Variants in ITPK1 observed in about 807,000 individuals in gnomAD.
The protein encoded by ITPK1 is inositol 1,3,4-trisphosphate 5/6-kinase.
A neutral mutation model predicts 45.3 loss-of-function variants in ITPK1; 21 were observed. The observed-to-expected ratio is 0.46, with a 90% CI of 0.33 to 0.67. The LOEUF is 0.67. Among genes scored for constraint, ITPK1 ranks in the 30% least tolerant of loss-of-function variants. The probability of loss-of-function intolerance (pLI) is 0.02; values close to 1 mark genes in which losing one functional copy is unlikely to be tolerated. For synonymous variants in ITPK1, 258 were observed against 253.6 expected (o/e 1.02, Z -0.16); for missense variants, 474 against 573.5 (o/e 0.83, Z 1.77).
rs1238811783 is a variant in ITPK1, at chr14:93,115,324, C to G, written c.-142-19G>C. 4 of 300,436 alleles carry G rather than the reference C, an allele frequency of 1.3e-5. No homozygotes were observed. The highest frequency in any genetic ancestry group is 2.4e-5 in the Non-Finnish European group (4 of 165,730). The allele number at this position is 300,436 out of a possible 1,614,324, so 18.6% of individuals were successfully genotyped here. A position where few individuals can be genotyped will look rare whatever the true frequency, so the allele number is the denominator to read the frequency against. ...CGCAGTCCTGCCGCGCGGAGCGGAG[C>G]GGGGCGGGGCGCGGCGGGCGGCCGG... On this transcript the variant is annotated intron_variant, in intron 1 of 10. Transcript: ENST00000267615.
At chr14:92,948,493 T>C (rs1250669967) in intron 9 of ITPK1, among the ~76,000 whole-genome samples, 3 of 151,474 alleles carry the variant, frequency 2.0e-5, no homozygotes, top group South Asian at 2.1e-4. Flanking sequence ...TGTGCCACCA[T>C]GCCTGGCTAA....
At position 92,964,622 on chromosome 14, in the gene ITPK1, T is replaced by C. The variant is rs939927036; in HGVS notation, c.365-1773A>G. Among the ~76,000 whole-genome samples, 5 of 152,220 alleles carry C rather than the reference T, an allele frequency of 3.3e-5. No homozygotes were observed. The East Asian group carries it at 7.7e-4, about 23-fold the overall frequency. On this transcript the variant is annotated intron_variant, in intron 5 of 10. Transcript: ENST00000267615. Reference sequence around the variant, plus strand: ...GAATTTAAACTGGAGGGTTCTGCCATAGGCAGGCTTCGGACGGGCGCTCAC... The same window carrying C: ...GAATTTAAACTGGAGGGTTCTGCCACAGGCAGGCTTCGGACGGGCGCTCAC...
chr14:93,085,368 G>A (rs1595201195), intron 2 of ITPK1, among the ~76,000 whole-genome samples: 2 of 152,140 alleles, frequency 1.3e-5, no homozygotes, highest in East Asian at 1.9e-4. Context: ...CCCCGACCGG[G>A]TGCCCCACCC....
chr14:92,959,386 C>A (rs1414138409), intron 7 of ITPK1, among the ~76,000 whole-genome samples: 34 of 152,256 alleles, frequency 2.2e-4, no homozygotes, highest in Admixed American at 2.2e-3. Flanking sequence ...CTTGTGTCAG[C>A]TGTCACGGAG....
At chr14:93,092,653 C>T (rs1256594757) in intron 2 of ITPK1, among the ~76,000 whole-genome samples, 1 of 152,250 alleles carries the variant, frequency 6.6e-6, no homozygotes, top group Non-Finnish European at 1.5e-5. Context: ...GAGAGTAGTA[C>T]TGGCATCCAG....
intron 5 of ITPK1, among the ~76,000 whole-genome samples, chr14:92,988,825 T>C (rs565485336): frequency 6.6e-6 from 1 of 152,304 alleles, no homozygotes; most frequent in Non-Finnish European, 1.5e-5. Context: ...ACCTTCCTCA[T>C]AGGGTCATTA....
intron 4 of ITPK1, among the ~76,000 whole-genome samples, chr14:92,999,179 C>T (rs1887207457): frequency 6.6e-6 from 1 of 152,234 alleles, no homozygotes; most frequent in Non-Finnish European, 1.5e-5. Flanking sequence ...TGGCAGAGGC[C>T]CAGGGGCCCG....
In ITPK1 at chr14:92,939,712, A is replaced by C. The variant is rs1416325295; in HGVS notation, c.*1849T>G. ...CCACAAACGGTACAGGAACACAGCC[A>C]GGAGTCACGCTGCACACCCCCACCC... On this transcript the variant is annotated 3_prime_UTR_variant, in exon 11 of 11. Transcript: ENST00000267615. The C allele has an allele frequency of 1.0e-6, 1 of 985,406 alleles. No homozygotes were observed. Among genetic ancestry groups the C allele is most frequent in the Admixed American group, 6.2e-5 (1 of 16,256 alleles). The allele number at this position is 985,406 out of a possible 1,614,324, so 61.0% of individuals were successfully genotyped here.
At chr14:93,081,152 T>C (rs1165110810) in intron 2 of ITPK1, among the ~76,000 whole-genome samples, 2 of 151,682 alleles carry the variant, frequency 1.3e-5, no homozygotes, top group Admixed American at 1.3e-4. Context: ...CTGGCCAACA[T>C]GGTAAAACCT....
intron 2 of ITPK1, among the ~76,000 whole-genome samples, chr14:93,082,657 C>T (rs200062663): frequency 3.3e-5 from 5 of 152,250 alleles, no homozygotes; most frequent in East Asian, 3.9e-4. Flanking sequence ...GGGGGCGGCA[C>T]GCCCACTCCA....
At chr14:92,996,546 C>A (rs981032482) in intron 4 of ITPK1, among the ~76,000 whole-genome samples, 3 of 151,126 alleles carry the variant, frequency 2.0e-5, no homozygotes, top group African/African-American at 7.3e-5. Context: ...CAAACCTGCA[C>A]GTTGTGCACA....
At chr14:93,025,109 C>T (rs552246707) in intron 3 of ITPK1, among the ~76,000 whole-genome samples, 8 of 152,306 alleles carry the variant, frequency 5.3e-5, no homozygotes, top group African/African-American at 1.9e-4. Flanking sequence ...CTGAGAGCCA[C>T]CTGGGTCAGG....
chr14:92,968,474 C>T (rs565191680), intron 5 of ITPK1, among the ~76,000 whole-genome samples: 1 of 152,310 alleles, frequency 6.6e-6, no homozygotes, highest in East Asian at 1.9e-4. Context: ...CAACCACGGT[C>T]TCCTCCAGTC....
chr14:93,049,527 TC>T (rs1248404790), intron 3 of ITPK1, among the ~76,000 whole-genome samples: 1 of 152,038 alleles, frequency 6.6e-6, no homozygotes, highest in Non-Finnish European at 1.5e-5. Context: ...GGGAAGGGCC[TC>T]ATAAACCATT....
At chr14:93,065,458 G>A (rs1381678697) in intron 3 of ITPK1, among the ~76,000 whole-genome samples, 2 of 152,180 alleles carry the variant, frequency 1.3e-5, no homozygotes, top group African/African-American at 4.8e-5. Flanking sequence ...GTTCTGTGCT[G>A]TTCCTTATCT....
In ITPK1 at chr14:93,034,896, A is replaced by G. The variant is rs1389972469; in HGVS notation, c.121-18095T>C. Among the ~76,000 whole-genome samples, 1 of 152,206 alleles carries G rather than the reference A, an allele frequency of 6.6e-6. No homozygotes were observed. Among genetic ancestry groups the G allele is most frequent in the African/African-American group, 2.4e-5 (1 of 41,458 alleles). On this transcript the variant is annotated intron_variant, in intron 3 of 10. Coordinates refer to ENST00000267615, the MANE Select transcript of ITPK1 (RefSeq NM_014216.6). The surrounding 1 kb of genome is among the most constrained non-coding windows in gnomAD (Gnocchi z 4.1). ...TCCAACCTGAGGTCCTGGCCCTCCC[A>G]TCACCTATGGGGCCTGGCAGGCCTT...
intron 3 of ITPK1, among the ~76,000 whole-genome samples, chr14:93,074,358 C>T (rs866017083): frequency 1.3e-5 from 2 of 152,206 alleles, no homozygotes; most frequent in African/African-American, 4.8e-5. Context: ...GTTCCTCCCA[C>T]AGACCGAGCG....
Position 93,076,238 on chromosome 14 carries a change from G to A in ITPK1, c.120+357C>T, listed in dbSNP as rs141428569. Reference sequence around the variant, plus strand: ...AGCACCTGAACCAAGTCCACCCAGGGTGAGGCTACACAGAGCACAAGACAA... The same window carrying A: ...AGCACCTGAACCAAGTCCACCCAGGATGAGGCTACACAGAGCACAAGACAA... On this transcript the variant is annotated intron_variant, in intron 3 of 10. Coordinates refer to ENST00000267615, the MANE Select transcript of ITPK1 (RefSeq NM_014216.6). The surrounding 1 kb of genome is among the most constrained non-coding windows in gnomAD (Gnocchi z 4.3). Among the ~76,000 whole-genome samples, 1,229 of 152,002 alleles carry A rather than the reference G, an allele frequency of 8.1e-3. 47 individuals carry two copies. The highest frequency in any genetic ancestry group is 0.074 in the Admixed American group (1,125 of 15,262).
At chr14:93,030,963 G>A (rs1406696950) in intron 3 of ITPK1, among the ~76,000 whole-genome samples, 2 of 152,196 alleles carry the variant, frequency 1.3e-5, no homozygotes, top group Admixed American at 6.5e-5. Context: ...TCCCGGGAAC[G>A]CCAAAGATGG....
Sources: allele counts gnomAD v4.1 joint callset (sites outside exome capture counted in the v4.1 genomes callset), GRCh38; gene constraint gnomAD v4.1.1; non-coding constraint Gnocchi (gnomAD v3.1); transcripts MANE v1.5; gene names NCBI Gene and HGNC (gene_info 2026-07-23, HGNC 2026-07-21).